CDC45: variants seen among roughly 807,000 people sequenced by gnomAD.
CDC45 encodes cell division control protein 45 homolog.
CDC45 carries 54 observed loss-of-function variants against 77.8 expected under a neutral mutation model. That is an observed-to-expected ratio of 0.69 (90% CI 0.56 to 0.87). The LOEUF (loss-of-function observed/expected upper bound fraction) is 0.87. CDC45 is among the 40% of genes least tolerant of loss of function. The pLI is 0.00. For missense variants in CDC45, 649 were observed against 721.6 expected, an observed-to-expected ratio of 0.90 and a Z score of 1.15; for synonymous variants, 260 against 272.1, an observed-to-expected ratio of 0.96 and a Z score of 0.44.
chr22:19,483,741 A>T, intron 4 of CDC45, 121 bp from the exon 5 acceptor site: 1 of 955,226 alleles, frequency 1.0e-6, no homozygotes, highest in Non-Finnish European at 1.6e-6. Context: ...ATAGGTAGCT[A>T]TTTGTATGAA....
At chr22:19,495,829 AAG>A in intron 6 of CDC45, 150 bp from the exon 7 acceptor site, 3 of 703,696 alleles carry the variant, frequency 4.3e-6, no homozygotes, top group Non-Finnish European at 5.1e-6. Flanking sequence ...CTCAACAAAA[AAG>A]AAAAAACCAA....
chr22:19,480,341 C>T (rs2089957793), intron 2 of CDC45, 124 bp downstream of exon 2: 1 of 903,732 alleles, frequency 1.1e-6, no homozygotes, highest in South Asian at 1.3e-5. Context: ...GGGAGCAGGG[C>T]AGGAGGTGAA....
intron 3 of CDC45, 73 bp from the exon 4 acceptor site, chr22:19,482,617 C>A: frequency 6.6e-7 from 1 of 1,513,072 alleles, no homozygotes; most frequent in Non-Finnish European, 9.1e-7. Flanking sequence ...AGCAGAACAA[C>A]TCAGAGGCTT....
intron 17 of CDC45, among the ~76,000 whole-genome samples, chr22:19,517,876 C>T (rs1260337571): frequency 3.3e-5 from 5 of 152,174 alleles, no homozygotes; most frequent in Non-Finnish European, 7.3e-5. Context: ...TGGGGGAGAC[C>T]GTTCAGCTCA....
chr22:19,497,896 C>CA (rs1003178994), intron 8 of CDC45, among the ~76,000 whole-genome samples: 24 of 144,568 alleles, frequency 1.7e-4, no homozygotes, highest in South Asian at 1.3e-3. Context: ...AACCCTGTCT[C>CA]AAAAAAAAAA....
At position 19,508,635 on chromosome 22, in the gene CDC45, C is replaced by T. The variant is rs1264745533; in HGVS notation, c.1161C>T (p.Pro387=). 6.8e-6 allele frequency: 11 copies of T among 1,614,068 alleles called. No individual in the cohort carries two copies. Among genetic ancestry groups the T allele is most frequent in the East Asian group, 2.2e-5 (1 of 44,894 alleles). Residue 387 remains proline, a synonymous_variant, in exon 13 of 19, where the codon CCC becomes CCT. Coordinates refer to ENST00000263201, the MANE Select transcript of CDC45 (RefSeq NM_003504.5). The part of the protein sequence containing the change: ...VFATMSLMES[P]EKDGSGTDHF... ...CCACCATGTCTTTGATGGAGAGCCC[C>T]GAGAAGGATGGCTCAGGGACAGATC...
intron 5 of CDC45, among the ~76,000 whole-genome samples, chr22:19,486,817 C>T (rs1458785932): frequency 6.6e-6 from 1 of 152,158 alleles, no homozygotes; most frequent in Non-Finnish European, 1.5e-5. Context: ...GCTGGGACTA[C>T]AGGTGCCTGC....
intron 7 of CDC45, among the ~76,000 whole-genome samples, 176 bp downstream of exon 7, chr22:19,496,205 TCTC>T (rs1263356297): frequency 2.0e-5 from 3 of 152,200 alleles, no homozygotes; most frequent in Non-Finnish European, 4.4e-5. Context: ...GCCTTAAACA[TCTC>T]CTCCTCTGTA....
At chr22:19,503,406 T>G (rs1932976563) in intron 9 of CDC45, among the ~76,000 whole-genome samples, 1 of 152,196 alleles carries the variant, frequency 6.6e-6, no homozygotes, top group Non-Finnish European at 1.5e-5. Context: ...CGCCCAGATT[T>G]GACGTGGCGA....
At chr22:19,508,737 C>T (rs1283526232) in intron 13 of CDC45, 46 bp downstream of exon 13, 4 of 1,590,368 alleles carry the variant, frequency 2.5e-6, no homozygotes, top group Non-Finnish European at 3.4e-6. Flanking sequence ...ACCACTGGTT[C>T]TCACACTGCC....
intron 5 of CDC45, among the ~76,000 whole-genome samples, chr22:19,486,294 C>T (rs1226617993): frequency 6.6e-6 from 1 of 152,202 alleles, no homozygotes; most frequent in Non-Finnish European, 1.5e-5. Flanking sequence ...TAATAATATC[C>T]TAATATCATG....
At chr22:19,502,804 C>A (rs762808069) in intron 9 of CDC45, among the ~76,000 whole-genome samples, 8 of 152,100 alleles carry the variant, frequency 5.3e-5, no homozygotes, top group Non-Finnish European at 1.2e-4. Flanking sequence ...GCTGTATAAG[C>A]AAAACAAAAT....
At chr22:19,503,914 C>A (rs2068298345) in intron 9 of CDC45, among the ~76,000 whole-genome samples, 1 of 152,258 alleles carries the variant, frequency 6.6e-6, no homozygotes, top group South Asian at 2.1e-4. Flanking sequence ...CAGAAACTTG[C>A]TTTGCTGCGA....
chr22:19,494,322 A>G lies in CDC45; in HGVS notation c.487-5A>G. The stretch of plus-strand genomic sequence containing the variant: ...CACCTTTTGTTCTCTTTGTCCCTGT[A>G]TCAGGAGATAGTGGAGCAAACCATG... On this transcript the variant is annotated splice_polypyrimidine_tract_variant and splice_region_variant and intron_variant, in intron 5 of 18. Transcript: ENST00000263201. 1.2e-6 allele frequency: 2 copies of G among 1,612,174 alleles called. No individual in the cohort carries two copies. The highest frequency in any genetic ancestry group is 1.7e-5 in the Admixed American group (1 of 60,028).
chr22:19,516,560 G>A lies in CDC45; in HGVS notation c.1474G>A (p.Val492Met). Residue 492 changes from valine (V) to methionine (M), a missense_variant, in exon 16 of 19, where the codon GTG becomes ATG. By Grantham distance (21) the Val-to-Met change is conservative. Coordinates refer to ENST00000263201, the MANE Select transcript of CDC45 (RefSeq NM_003504.5). ...CCGGCGCTGCAAACTGCTGCCCCTG[G>A]TGATGGCTGCCCCCCTGAGCATGGA... ...KNRRCKLLPL[V>M]MAAPLSMEHG... is the part of the protein sequence containing the mutation. The A allele has an allele frequency of 1.2e-6, 2 of 1,614,054 alleles. No homozygotes were observed. The highest frequency in any genetic ancestry group is 1.7e-6 in the Non-Finnish European group (2 of 1,179,982).
rs746882214 is a variant in CDC45, at chr22:19,507,450, G to A, written c.889G>A (p.Ala297Thr). The A allele has an allele frequency of 1.5e-5, 24 of 1,613,984 alleles. No individual in the cohort carries two copies. The highest frequency in any genetic ancestry group is 1.9e-5 in the Non-Finnish European group (23 of 1,180,002). ...HDSLCNTSYT[A>T]ARFKLWSVHG... is the part of the protein sequence containing the mutation. ...CAGCCTGTGCAACACCAGCTATACC[G>A]CAGCCAGGTTCAAGCTGTGGTCTGT... The change falls in exon 11 of 19, where the codon GCA becomes ACA. Residue 297 changes from alanine (A) to threonine (T), a missense_variant. Physicochemically the swap from Ala to Thr is moderately conservative, Grantham distance 58 (BLOSUM62 0). Coordinates refer to ENST00000263201, the MANE Select transcript of CDC45 (RefSeq NM_003504.5).
At chr22:19,513,697 G>A (rs1026435057) in intron 13 of CDC45, among the ~76,000 whole-genome samples, 8 of 152,178 alleles carry the variant, frequency 5.3e-5, no homozygotes, top group African/African-American at 1.9e-4. Context: ...TTAGAGCACA[G>A]TTCTTAAGTA....
intron 5 of CDC45, among the ~76,000 whole-genome samples, chr22:19,493,239 G>GTTTTGTTTTGTT (rs112060234): frequency 0.16 from 23,131 of 146,840 alleles, 2,378 homozygotes; most frequent in Non-Finnish European, 0.21. Flanking sequence ...TTTTTTTTTT[G>GTTTTGTTTTGTT]TTGTTTTGTT....
chr22:19,496,101 A>C, intron 7 of CDC45, 72 bp downstream of exon 7: 1 of 1,061,920 alleles, frequency 9.4e-7, no homozygotes, highest in Admixed American at 2.0e-5. Flanking sequence ...TGTGAAGAAG[A>C]AACGTAGATT....
Sources: allele counts gnomAD v4.1 joint callset (sites outside exome capture counted in the v4.1 genomes callset), GRCh38; gene constraint gnomAD v4.1.1; transcripts MANE v1.5; gene names NCBI Gene and HGNC (gene_info 2026-07-23, HGNC 2026-07-21).